The following CNTNAP2 variants were observed in gnomAD, a reference collection of about 807,000 sequenced individuals.
The protein encoded by CNTNAP2 is contactin-associated protein-like 2.
CNTNAP2 carries 98 observed loss-of-function variants against 155.2 expected under a neutral mutation model. That is an observed-to-expected ratio of 0.63 (90% CI 0.54 to 0.75). CNTNAP2 has a LOEUF of 0.75. Ranked by LOEUF, CNTNAP2 falls within the 30% of genes least tolerant of loss-of-function variation. The pLI, the probability that CNTNAP2 is intolerant of heterozygous loss-of-function variation, is 0.00. For missense variants in CNTNAP2, 1,727 were observed against 1,688.1 expected, an observed-to-expected ratio of 1.02 and a Z score of -0.40; for synonymous variants, 651 against 631.2, an observed-to-expected ratio of 1.03 and a Z score of -0.47.
Position 146,428,277 on chromosome 7 carries a change from G to C in CNTNAP2, c.97+311304G>C, listed in dbSNP as rs139950109. Among the ~76,000 whole-genome samples, 833 of 152,126 alleles carry C rather than the reference G, an allele frequency of 5.5e-3. 8 individuals are homozygous for C. The highest frequency in any genetic ancestry group is 0.019 in the African/African-American group (776 of 41,498). Reference sequence around the variant, plus strand: ...TATATACCCCATATTGGGACTGCTGGGTCAAATGGTATTTCTGCCTCTAGG... The same window carrying C: ...TATATACCCCATATTGGGACTGCTGCGTCAAATGGTATTTCTGCCTCTAGG... On this transcript the variant is annotated intron_variant, in intron 1 of 23. Coordinates refer to ENST00000361727, the MANE Select transcript of CNTNAP2 (RefSeq NM_014141.6).
intron 1 of CNTNAP2, among the ~76,000 whole-genome samples, chr7:146,639,635 C>T (rs73739749): frequency 0.025 from 3,817 of 152,336 alleles, 154 homozygotes; most frequent in African/African-American, 0.087. Context: ...AACCCCTCCT[C>T]CAGGGAGTGG....
intron 1 of CNTNAP2, among the ~76,000 whole-genome samples, chr7:146,441,302 T>G (rs761340833): frequency 1.3e-5 from 2 of 151,438 alleles, no homozygotes; most frequent in Non-Finnish European, 2.9e-5. Context: ...AAATAAAATT[T>G]TTTGGGGGGT....
Position 146,839,816 on chromosome 7 carries a change from G to A in CNTNAP2, c.314G>A (p.Ser105Asn). The A allele has an allele frequency of 5.6e-6, 9 of 1,614,186 alleles. No homozygotes were observed. Among genetic ancestry groups the A allele is most frequent in the Non-Finnish European group, 7.6e-6 (9 of 1,180,034 alleles). ...ISAIATQGRY[S>N]SSDWVTQYRM... is the part of the protein sequence containing the mutation. ...GCCATTGCAACCCAAGGAAGGTATA[G>A]CAGCTCAGATTGGGTGACCCAATAC... The change falls in exon 3 of 24, where the codon AGC (serine) becomes AAC (asparagine). Residue 105 changes from serine to asparagine, a missense_variant. Physicochemically the swap from Ser to Asn is conservative, Grantham distance 46 (BLOSUM62 1). Coordinates refer to ENST00000361727, the MANE Select transcript of CNTNAP2 (RefSeq NM_014141.6).
chr7:147,292,482 AT>A (rs1045723835), intron 8 of CNTNAP2, among the ~76,000 whole-genome samples: 13 of 152,152 alleles, frequency 8.5e-5, no homozygotes, highest in African/African-American at 3.1e-4. Flanking sequence ...TTTCTTAAAC[AT>A]TTTTGAATCA....
At chr7:146,381,825 T>C (rs930331825) in intron 1 of CNTNAP2, among the ~76,000 whole-genome samples, 17 of 152,178 alleles carry the variant, frequency 1.1e-4, no homozygotes, top group African/African-American at 4.1e-4. Flanking sequence ...TACAATCGTA[T>C]TTTTTTACTG....
intron 1 of CNTNAP2, among the ~76,000 whole-genome samples, chr7:146,742,709 T>C (rs1158929647): frequency 6.6e-6 from 1 of 152,120 alleles, no homozygotes; most frequent in African/African-American, 2.4e-5. Flanking sequence ...ATTTACTAGA[T>C]GTAAAGACTG....
At chr7:148,239,105 G>A (rs975289186) in intron 20 of CNTNAP2, among the ~76,000 whole-genome samples, 13 of 152,146 alleles carry the variant, frequency 8.5e-5, no homozygotes, top group African/African-American at 3.1e-4. Flanking sequence ...TATCTACTCT[G>A]GATGATAAAC....
chr7:146,470,759 A>G (rs1796785836), intron 1 of CNTNAP2, among the ~76,000 whole-genome samples: 1 of 151,998 alleles, frequency 6.6e-6, no homozygotes, highest in Admixed American at 6.6e-5. Context: ...TAGTAGATAC[A>G]GGGTTTCACC....
At chr7:148,411,255 C>T (rs7791560) in intron 23 of CNTNAP2, among the ~76,000 whole-genome samples, 87,393 of 151,876 alleles carry the variant, frequency 0.58, 25,837 homozygotes, top group African/African-American at 0.66. Flanking sequence ...GTAACAAGTC[C>T]GTAACTTTTA....
chr7:147,584,675 T>C (rs1222085227), intron 12 of CNTNAP2, among the ~76,000 whole-genome samples: 1 of 152,202 alleles, frequency 6.6e-6, no homozygotes, highest in East Asian at 1.9e-4. Flanking sequence ...TGGAATTCCC[T>C]GGAAAAGGGT....
chr7:147,045,285 C>T lies in CNTNAP2; in HGVS notation c.550+1231C>T, dbSNP rs1335415477. On this transcript the variant is annotated intron_variant, in intron 4 of 23. Coordinates refer to ENST00000361727, the MANE Select transcript of CNTNAP2 (RefSeq NM_014141.6). ...CTAAGCAGAAAATTTCAAATGCCCCCGTTGGACAAGCTTTCTAAAATGCCC... is the reference window on the plus strand; with the variant it reads ...CTAAGCAGAAAATTTCAAATGCCCCTGTTGGACAAGCTTTCTAAAATGCCC... Among the ~76,000 whole-genome samples the T allele has an allele frequency of 2.0e-5, 3 of 152,000 alleles. No individual in the cohort carries two copies. In the East Asian group the frequency reaches 5.8e-4, roughly 29 times the overall value.
chr7:146,641,915 G>A (rs1440682050), intron 1 of CNTNAP2, among the ~76,000 whole-genome samples: 1 of 152,050 alleles, frequency 6.6e-6, no homozygotes, highest in African/African-American at 2.4e-5. Context: ...TTGTTCTTCA[G>A]GCTTTGTGAG....
Position 146,715,736 on chromosome 7 carries a change from T to C in CNTNAP2, c.98-58535T>C, listed in dbSNP as rs185082139. Among the ~76,000 whole-genome samples, 6 of 151,670 alleles carry C rather than the reference T, an allele frequency of 4.0e-5. No individual in the cohort carries two copies. In the East Asian group the frequency reaches 1.2e-3, roughly 29 times the overall value. The stretch of plus-strand genomic sequence containing the variant: ...TATTGTTGCAAACCAAGTTAAATAG[T>C]TTTTTAAAATATTTTTTATTGTAGC... On this transcript the variant is annotated intron_variant, in intron 1 of 23. Coordinates refer to ENST00000361727, the MANE Select transcript of CNTNAP2 (RefSeq NM_014141.6).
intron 1 of CNTNAP2, among the ~76,000 whole-genome samples, chr7:146,632,760 TGTA>T (rs1211022753): frequency 2.0e-5 from 3 of 152,038 alleles, no homozygotes; most frequent in East Asian, 1.9e-4. Flanking sequence ...TAAACAATCA[TGTA>T]GTCATAAGGA....
chr7:147,060,287 A>G (rs1271313046), intron 4 of CNTNAP2, among the ~76,000 whole-genome samples: 1 of 152,250 alleles, frequency 6.6e-6, no homozygotes. Flanking sequence ...GAAGTGGTCA[A>G]ATAAACTGTG....
At chr7:146,646,601 G>A (rs1799816513) in intron 1 of CNTNAP2, among the ~76,000 whole-genome samples, 1 of 152,044 alleles carries the variant, frequency 6.6e-6, no homozygotes, top group Non-Finnish European at 1.5e-5. Context: ...TACATTTCCG[G>A]AAGTTCCTCT....
chr7:146,211,653 AC>A (rs1041793211), intron 1 of CNTNAP2, among the ~76,000 whole-genome samples: 1 of 152,114 alleles, frequency 6.6e-6, no homozygotes, highest in African/African-American at 2.4e-5. Flanking sequence ...TAGGTTCTTG[AC>A]CACAAACTAG....
rs990280493 is a variant in CNTNAP2, at chr7:147,667,812, A to T, written c.2098+28506A>T. Among the ~76,000 whole-genome samples, 9 of 142,104 alleles carry T rather than the reference A, an allele frequency of 6.3e-5. No individual in the cohort carries two copies. In the South Asian group the frequency reaches 1.9e-3, roughly 30 times the overall value. 93.2% of individuals were successfully genotyped at this position (142,104 alleles called of 152,430 possible). A position where few individuals can be genotyped will look rare whatever the true frequency, so the allele number is the denominator to read the frequency against. ...TGCTGCTGCAAAAAAAAAAAATAAT[A>T]AAAAAAATAAAATAAAAAAATAAAA... On this transcript the variant is annotated intron_variant, in intron 13 of 23. Coordinates refer to ENST00000361727, the MANE Select transcript of CNTNAP2 (RefSeq NM_014141.6).
rs1796326735 is a variant in CNTNAP2, at chr7:146,441,969, T to C, written c.97+324996T>C. On this transcript the variant is annotated intron_variant, in intron 1 of 23. Coordinates refer to ENST00000361727, the MANE Select transcript of CNTNAP2 (RefSeq NM_014141.6). ...ATCATTCTCTTTCAAAACACAAAGG[T>C]ACTGTCATGTATTTGCACATCCCTC... 2.6e-5 allele frequency among the ~76,000 whole-genome samples: 4 copies of C among 151,662 alleles called. No homozygotes were observed. In the South Asian group the frequency reaches 8.3e-4, roughly 31 times the overall value.
Sources: gnomAD v4.1 joint callset for allele counts (sites outside exome capture counted in the v4.1 genomes callset) on GRCh38, gnomAD v4.1.1 for gene constraint, MANE v1.5 for transcripts, NCBI Gene and HGNC (gene_info 2026-07-23, HGNC 2026-07-21) for gene names.